The following ERGIC1 variants were observed in gnomAD, a reference collection of about 807,000 sequenced individuals.
ERGIC1 encodes endoplasmic reticulum-Golgi intermediate compartment protein 1.
A neutral mutation model predicts 38.3 loss-of-function variants in ERGIC1; 19 were observed. That is an observed-to-expected ratio of 0.50 (90% CI 0.35 to 0.73). The LOEUF is 0.73. Ranked by LOEUF, ERGIC1 falls within the 30% of genes least tolerant of loss-of-function variation. The pLI, the probability that ERGIC1 is intolerant of heterozygous loss-of-function variation, is 0.01. For missense variants in ERGIC1, 294 were observed against 389.2 expected (o/e 0.76, Z 2.06); for synonymous variants, 124 against 157.6 (o/e 0.79, Z 1.60).
intron 1 of ERGIC1, among the ~76,000 whole-genome samples, chr5:172,841,074 T>G (rs1278177555): frequency 6.6e-6 from 1 of 152,212 alleles, no homozygotes; most frequent in East Asian, 1.9e-4. Context: ...AAACACAGTT[T>G]GGGAAACACA....
At chr5:172,865,881 T>C (rs180975949) in intron 1 of ERGIC1, among the ~76,000 whole-genome samples, 14 of 152,292 alleles carry the variant, frequency 9.2e-5, no homozygotes, top group African/African-American at 2.4e-4. Context: ...TAGAATCATA[T>C]AGAATCACAC....
At chr5:172,883,027 G>C (rs1762323340) in intron 1 of ERGIC1, among the ~76,000 whole-genome samples, 1 of 152,084 alleles carries the variant, frequency 6.6e-6, no homozygotes, top group South Asian at 2.1e-4. Context: ...CAATCTTCTG[G>C]TCTCAAGTGA....
chr5:172,838,341 A>AC (rs1201505530), intron 1 of ERGIC1, among the ~76,000 whole-genome samples: 1 of 151,642 alleles, frequency 6.6e-6, no homozygotes, highest in African/African-American at 2.4e-5. Context: ...CCAAGCATGG[A>AC]CCCCCCTCTG....
chr5:172,905,974 G>C (rs1195017045), intron 3 of ERGIC1: 2 of 443,618 alleles, frequency 4.5e-6, no homozygotes, highest in Non-Finnish European at 9.1e-6. Context: ...TGATTGGTCA[G>C]GTGTGAGCTG....
chr5:172,896,218 C>T (rs540302677), intron 2 of ERGIC1, among the ~76,000 whole-genome samples: 3 of 152,234 alleles, frequency 2.0e-5, no homozygotes, highest in Admixed American at 2.0e-4. Flanking sequence ...TAGCAGGCAC[C>T]TGTAATCCCA....
intron 9 of ERGIC1, among the ~76,000 whole-genome samples, chr5:172,941,408 G>T (rs944947819): frequency 5.9e-5 from 9 of 152,124 alleles, no homozygotes; most frequent in Non-Finnish European, 1.3e-4. Context: ...AGATGATTTT[G>T]TTCCTGTTTT....
chr5:172,882,283 A>G (rs1454436336), intron 1 of ERGIC1, among the ~76,000 whole-genome samples: 1 of 151,998 alleles, frequency 6.6e-6, no homozygotes, highest in Non-Finnish European at 1.5e-5. Context: ...TCATTTCCCC[A>G]CTGTCTAGAA....
At chr5:172,894,583 G>T (rs10061664) in intron 2 of ERGIC1, among the ~76,000 whole-genome samples, 3,180 of 152,236 alleles carry the variant, frequency 0.021, 110 homozygotes, top group African/African-American at 0.072. Flanking sequence ...GCAGTCTGGG[G>T]ACATCCTGCC....
At chr5:172,858,265 C>T (rs1232160431) in intron 1 of ERGIC1, among the ~76,000 whole-genome samples, 1 of 152,196 alleles carries the variant, frequency 6.6e-6, no homozygotes, top group Non-Finnish European at 1.5e-5. Flanking sequence ...GGACAGAGAG[C>T]TGGGGAGTGC....
At chr5:172,869,742 TG>T (rs1485991548) in intron 1 of ERGIC1, among the ~76,000 whole-genome samples, 2 of 152,212 alleles carry the variant, frequency 1.3e-5, no homozygotes, top group Admixed American at 6.5e-5. Flanking sequence ...TAGGGGCATC[TG>T]GGGGTGTCAT....
chr5:172,880,835 C>T lies in ERGIC1; in HGVS notation c.21-7864C>T, dbSNP rs142246866. ...TTCTGCCCCAGCAGGGGATAAACCGCGTGCCCAGCTAGCCCCAGTCCCCAC... is the reference window on the plus strand; with the variant it reads ...TTCTGCCCCAGCAGGGGATAAACCGTGTGCCCAGCTAGCCCCAGTCCCCAC... On this transcript the variant is annotated intron_variant, in intron 1 of 9. Coordinates refer to ENST00000393784, the MANE Select transcript of ERGIC1 (RefSeq NM_001031711.3). 1.5e-4 allele frequency among the ~76,000 whole-genome samples: 23 copies of T among 152,350 alleles called. No individual in the cohort carries two copies. The East Asian group carries it at 2.9e-3, about 19-fold the overall frequency.
At chr5:172,866,773 T>TGGAGG (rs754028052) in intron 1 of ERGIC1, among the ~76,000 whole-genome samples, 6 of 152,218 alleles carry the variant, frequency 3.9e-5, no homozygotes, top group Non-Finnish European at 7.3e-5. Flanking sequence ...TATTGTCTAG[T>TGGAGG]GGAGGCACGG....
intron 1 of ERGIC1, among the ~76,000 whole-genome samples, chr5:172,875,071 A>C (rs1405168376): frequency 6.6e-6 from 1 of 152,230 alleles, no homozygotes; most frequent in Non-Finnish European, 1.5e-5. Context: ...AATTCATTCA[A>C]GTTCTCCAGC....
At chr5:172,879,241 A>G (rs1323772275) in intron 1 of ERGIC1, among the ~76,000 whole-genome samples, 4 of 152,234 alleles carry the variant, frequency 2.6e-5, no homozygotes, top group Non-Finnish European at 5.9e-5. Flanking sequence ...CATTAGTCAG[A>G]CATTTCCAGC....
chr5:172,935,152 A>C lies in ERGIC1; in HGVS notation c.643-36A>C, dbSNP rs113708386. 44 of 1,613,162 alleles carry C rather than the reference A, an allele frequency of 2.7e-5. No homozygotes were observed. In the African/African-American group the frequency reaches 5.6e-4, roughly 21 times the overall value. ...CCAGTCCCCGCCCCCCCTGAGACAC[A>C]GTTTGTACTTCTGATTCTTATATCC... is the stretch of plus-strand genomic sequence containing the variant. On this transcript the variant is annotated intron_variant, in intron 8 of 9. Coordinates refer to ENST00000393784, the MANE Select transcript of ERGIC1 (RefSeq NM_001031711.3).
chr5:172,877,440 G>GTGTGTGTGTATA (rs1491234878), intron 1 of ERGIC1, among the ~76,000 whole-genome samples: 2 of 67,392 alleles, frequency 3.0e-5, no homozygotes, highest in African/African-American at 1.1e-4. Flanking sequence ...GTGTGTGTGT[G>GTGTGTGTGTATA]TATATATATA....
At chr5:172,925,198 A>G (rs370878476) in intron 6 of ERGIC1, among the ~76,000 whole-genome samples, 9 of 152,158 alleles carry the variant, frequency 5.9e-5, no homozygotes, top group African/African-American at 2.2e-4. Flanking sequence ...GTATCATGCC[A>G]CTGCACTCCA....
intron 1 of ERGIC1, among the ~76,000 whole-genome samples, chr5:172,852,205 A>G (rs942198491): frequency 1.3e-5 from 2 of 152,184 alleles, no homozygotes; most frequent in Non-Finnish European, 2.9e-5. Context: ...CATCAAGGCC[A>G]TCCCCTGATG....
intron 6 of ERGIC1, among the ~76,000 whole-genome samples, chr5:172,925,999 C>G (rs946761523): frequency 2.0e-5 from 3 of 152,204 alleles, no homozygotes; most frequent in South Asian, 2.1e-4. Flanking sequence ...GGGGGGCCCA[C>G]AGCTCTGGGG....
Sources: allele counts gnomAD v4.1 joint callset (sites outside exome capture counted in the v4.1 genomes callset), GRCh38; gene constraint gnomAD v4.1.1; transcripts MANE v1.5; gene names NCBI Gene and HGNC (gene_info 2026-07-23, HGNC 2026-07-21).